Variants in RMND1 observed in about 807,000 individuals in gnomAD.
The protein encoded by RMND1 is required for meiotic nuclear division protein 1 homolog.
Under a neutral mutation model 54.0 loss-of-function variants are expected in RMND1, and 41 were observed. The observed-to-expected ratio is 0.76, with a 90% CI of 0.59 to 0.98. The LOEUF (loss-of-function observed/expected upper bound fraction) is 0.98, where lower values mean the gene tolerates loss of function less well. Ranked by LOEUF, RMND1 falls within the 50% of genes least tolerant of loss-of-function variation. RMND1 has a pLI of 0.00. For synonymous variants in RMND1, 183 were observed against 181.7 expected, an observed-to-expected ratio of 1.01 and a Z score of -0.06; for missense variants, 457 against 532.0, an observed-to-expected ratio of 0.86 and a Z score of 1.39.
intron 3 of RMND1, among the ~76,000 whole-genome samples, chr6:151,434,706 T>C (rs1294844695): frequency 6.6e-6 from 1 of 152,234 alleles, no homozygotes; most frequent in African/African-American, 2.4e-5. Context: ...ATTTCAACTA[T>C]CTTCTATGGG....
chr6:151,436,119 A>T (rs554111495), intron 3 of RMND1: 3 of 200,258 alleles, frequency 1.5e-5, no homozygotes, highest in Non-Finnish European at 3.1e-5. Context: ...AAACAAAAAA[A>T]AAAAAAACAC....
intron 6 of RMND1, among the ~76,000 whole-genome samples, chr6:151,426,824 C>T (rs1780309657): frequency 6.6e-6 from 1 of 151,996 alleles, no homozygotes; most frequent in Non-Finnish European, 1.5e-5. Flanking sequence ...GGCTGGAGTG[C>T]AATGGCGTGA....
At chr6:151,427,380 A>C (rs1370797504) in intron 6 of RMND1, 102 bp downstream of exon 6, 5 of 677,700 alleles carry the variant, frequency 7.4e-6, no homozygotes, top group Non-Finnish European at 1.2e-5. Flanking sequence ...CGTCTCAAAA[A>C]AAAAAAAAAA....
At chr6:151,441,708 C>A (rs960870517) in intron 2 of RMND1, among the ~76,000 whole-genome samples, 1 of 152,166 alleles carries the variant, frequency 6.6e-6, no homozygotes, top group Non-Finnish European at 1.5e-5. Context: ...GAGGGTGGCA[C>A]AGCCCAGTTC....
At chr6:151,436,149 A>T in intron 3 of RMND1, 1 of 244,068 alleles carries the variant, frequency 4.1e-6, no homozygotes, top group South Asian at 5.9e-5. Context: ...ACAGACACAC[A>T]CAAACTAAAA....
At chr6:151,415,824 G>C (rs1177064231) in intron 10 of RMND1, among the ~76,000 whole-genome samples, 9 of 149,370 alleles carry the variant, frequency 6.0e-5, no homozygotes, top group African/African-American at 2.0e-4. Context: ...GTCACATACT[G>C]TATGACTATC....
intron 8 of RMND1, among the ~76,000 whole-genome samples, chr6:151,421,722 T>C (rs140121948): frequency 6.6e-6 from 1 of 152,340 alleles, no homozygotes; most frequent in Non-Finnish European, 1.5e-5. Flanking sequence ...ATTTTTCTCA[T>C]AATTTAGCAA....
chr6:151,442,441 G>T (rs1780808374), intron 2 of RMND1, among the ~76,000 whole-genome samples: 1 of 152,208 alleles, frequency 6.6e-6, no homozygotes, highest in Non-Finnish European at 1.5e-5. Flanking sequence ...TCTCCCTGGT[G>T]TCGGGCTCCA....
intron 4 of RMND1, among the ~76,000 whole-genome samples, chr6:151,432,809 C>T (rs557689663): frequency 2.6e-5 from 4 of 151,924 alleles, no homozygotes; most frequent in South Asian, 4.2e-4. Context: ...AGGGAGGTAG[C>T]GGGAGTTTCC....
intron 1 of RMND1, among the ~76,000 whole-genome samples, chr6:151,446,399 T>C (rs1238643838): frequency 6.6e-6 from 1 of 150,952 alleles, no homozygotes; most frequent in Non-Finnish European, 1.5e-5. Flanking sequence ...TACCACTGCA[T>C]TCCAGCCCTT....
intron 10 of RMND1, among the ~76,000 whole-genome samples, chr6:151,406,845 G>A (rs144113193): frequency 1.3e-5 from 2 of 152,164 alleles, no homozygotes; most frequent in East Asian, 1.9e-4. Context: ...ACCATGTTAC[G>A]ATTTTTGCAC....
chr6:151,412,930 T>A (rs1031526456), intron 10 of RMND1, among the ~76,000 whole-genome samples: 1 of 152,054 alleles, frequency 6.6e-6, no homozygotes, highest in Non-Finnish European at 1.5e-5. Flanking sequence ...AGGACCCACC[T>A]CCAACACGGG....
chr6:151,442,443 C>T (rs1232918364), intron 2 of RMND1, among the ~76,000 whole-genome samples: 4 of 152,194 alleles, frequency 2.6e-5, no homozygotes, highest in Non-Finnish European at 5.9e-5. Context: ...TCCCTGGTGT[C>T]GGGCTCCATG....
chr6:151,427,683 C>T (rs1040835261), intron 5 of RMND1, 101 bp from the exon 6 acceptor site: 3 of 678,436 alleles, frequency 4.4e-6, no homozygotes, highest in Non-Finnish European at 7.5e-6. Context: ...CACTTACAGG[C>T]ATTATTTCTG....
chr6:151,436,148 C>A (rs773150172), intron 3 of RMND1: 3 of 235,958 alleles, frequency 1.3e-5, no homozygotes, highest in Admixed American at 5.0e-5. Context: ...CACAGACACA[C>A]ACAAACTAAA....
intron 9 of RMND1, 93 bp from the exon 10 acceptor site, chr6:151,417,492 C>CA: frequency 1.2e-6 from 1 of 820,004 alleles, no homozygotes; most frequent in Non-Finnish European, 1.7e-6. Flanking sequence ...TTTATGAAAA[C>CA]TTTTTTTTTT....
chr6:151,436,626 T>C, intron 2 of RMND1, 72 bp from the exon 3 acceptor site: 1 of 1,456,466 alleles, frequency 6.9e-7, no homozygotes, highest in Non-Finnish European at 9.5e-7. Context: ...CTGAGCACCC[T>C]ACTGGACTCC....
intron 1 of RMND1, among the ~76,000 whole-genome samples, chr6:151,451,589 A>G (rs1781199725): frequency 1.3e-5 from 2 of 152,182 alleles, no homozygotes; most frequent in Admixed American, 6.5e-5. Context: ...TCTCCTGACA[A>G]TAGCGCCCAG....
rs1780619431 is a variant in RMND1 at position 151,436,516 on chromosome 6, C to T, written c.543G>A (p.Glu181=). 1 of 1,613,492 alleles carries T rather than the reference C, an allele frequency of 6.2e-7. No individual in the cohort carries two copies. The highest frequency in any genetic ancestry group is 1.7e-5 in the Admixed American group (1 of 60,022). Residue 181 remains glutamate, a synonymous_variant, in exon 3 of 12, where the codon GAG becomes GAA. Transcript: ENST00000444024. ...CTTGAGACAGATTTCCCAGATGATACTCATCTGCCGTTGCAAATGCTGTGC... is the reference window on the plus strand; with the variant it reads ...CTTGAGACAGATTTCCCAGATGATATTCATCTGCCGTTGCAAATGCTGTGC... The part of the protein sequence containing the change: ...MHCTAFATAD[E]YHLGNLSQDL...
Sources: gnomAD v4.1 joint callset for allele counts (sites outside exome capture counted in the v4.1 genomes callset) on GRCh38, gnomAD v4.1.1 for gene constraint, MANE v1.5 for transcripts, NCBI Gene and HGNC (gene_info 2026-07-23, HGNC 2026-07-21) for gene names.